Variants in SLC9A9 observed in about 807,000 individuals in gnomAD.
SLC9A9 encodes solute carrier family 9 member A9.
Under a neutral mutation model 77.8 loss-of-function variants are expected in SLC9A9, and 62 were observed. That is an observed-to-expected ratio of 0.80 (90% confidence interval 0.65 to 0.98). SLC9A9 has a LOEUF of 0.98. Ranked by LOEUF, SLC9A9 falls within the 50% of genes least tolerant of loss-of-function variation. The pLI is 0.00. For synonymous variants in SLC9A9, 320 were observed against 283.5 expected, an observed-to-expected ratio of 1.13 and a Z score of -1.29; for missense variants, 775 against 774.9, an observed-to-expected ratio of 1.00 and a Z score of 0.00.
At chr3:143,596,496 T>C (rs2037754207) in intron 6 of SLC9A9, among the ~76,000 whole-genome samples, 1 of 152,210 alleles carries the variant, frequency 6.6e-6, no homozygotes, top group South Asian at 2.1e-4. Flanking sequence ...TTGATATCAT[T>C]TTTCGGTTTC....
At chr3:143,771,253 G>A (rs552660410) in intron 4 of SLC9A9, among the ~76,000 whole-genome samples, 43 of 152,296 alleles carry the variant, frequency 2.8e-4, no homozygotes, top group African/African-American at 1.0e-3. Context: ...CATCTGCAGG[G>A]AACAGGGAGG....
rs137977111 is a variant in SLC9A9 at position 143,329,524 on chromosome 3, C to T, written c.1604+33960G>A. Among the ~76,000 whole-genome samples the T allele has an allele frequency of 9.7e-3, 1,470 of 152,312 alleles. 29 individuals are homozygous for T. Among genetic ancestry groups the T allele is most frequent in the African/African-American group, 0.034 (1,393 of 41,562 alleles). On this transcript the variant is annotated intron_variant, in intron 14 of 15. Coordinates refer to ENST00000316549, the MANE Select transcript of SLC9A9 (RefSeq NM_173653.4). ...GGGGGTGCAAATAACATTGGTGAAG[C>T]TGGGCTGCCCGACTCTGCCATCCTC...
rs140574815 is a variant in SLC9A9, at chr3:143,574,098, G to T, written c.990C>A (p.Ala330=). ...GCATGAAGCACTGACCTGTTAGGCC[G>T]GCAGCCTCGGCAGACAGGAAGGCAC... ...SWSAFLSAEA[A]GLTGIVAVLF... Residue 330 remains alanine, a synonymous_variant, in exon 8 of 16, where the codon GCC becomes GCA. Transcript: ENST00000316549. The T allele has an allele frequency of 2.6e-4, 418 of 1,612,850 alleles. No individual in the cohort carries two copies. Among genetic ancestry groups the T allele is most frequent in the Non-Finnish European group, 3.4e-4 (404 of 1,179,320 alleles).
At chr3:143,832,265 T>G in intron 1 of SLC9A9, 44 bp from the exon 2 acceptor site, 1 of 1,526,608 alleles carries the variant, frequency 6.6e-7, no homozygotes, top group East Asian at 2.3e-5. Flanking sequence ...GAAGGCAATC[T>G]AAAATGCCAC....
chr3:143,705,108 A>G (rs1933936931), intron 4 of SLC9A9, among the ~76,000 whole-genome samples: 1 of 143,262 alleles, frequency 7.0e-6, no homozygotes, highest in African/African-American at 2.6e-5. Flanking sequence ...AGGTCTATTC[A>G]GCCATAAAGA....
At chr3:143,519,869 G>T (rs1380213412) in intron 9 of SLC9A9, among the ~76,000 whole-genome samples, 1 of 152,188 alleles carries the variant, frequency 6.6e-6, no homozygotes, top group African/African-American at 2.4e-5. Context: ...TAGAAGAATA[G>T]AATTGCTCCT....
intron 5 of SLC9A9, among the ~76,000 whole-genome samples, chr3:143,656,840 C>A (rs1241856304): frequency 6.6e-6 from 1 of 152,184 alleles, no homozygotes; most frequent in Non-Finnish European, 1.5e-5. Context: ...GAATCGGTGT[C>A]AGGCCTGACA....
intron 14 of SLC9A9, among the ~76,000 whole-genome samples, chr3:143,302,801 G>A (rs1222483412): frequency 6.6e-6 from 1 of 152,202 alleles, no homozygotes; most frequent in African/African-American, 2.4e-5. Flanking sequence ...AAAGCCAGAT[G>A]GGTACAAGTG....
intron 7 of SLC9A9, among the ~76,000 whole-genome samples, chr3:143,576,578 C>T (rs530651388): frequency 6.6e-6 from 1 of 152,258 alleles, no homozygotes; most frequent in South Asian, 2.1e-4. Flanking sequence ...CTAAACAACA[C>T]CTGGCCTCCA....
At chr3:143,656,191 G>A (rs1478949029) in intron 5 of SLC9A9, among the ~76,000 whole-genome samples, 2 of 152,184 alleles carry the variant, frequency 1.3e-5, no homozygotes, top group Non-Finnish European at 2.9e-5. Flanking sequence ...CAAGTTTCAT[G>A]AAAAACTGTT....
intron 14 of SLC9A9, among the ~76,000 whole-genome samples, chr3:143,311,808 G>A (rs920735946): frequency 2.6e-5 from 4 of 152,216 alleles, no homozygotes; most frequent in African/African-American, 9.6e-5. Flanking sequence ...TTGCTCTCAT[G>A]TGTACTGAAA....
At chr3:143,565,866 T>C (rs2037159779) in intron 8 of SLC9A9, among the ~76,000 whole-genome samples, 1 of 152,116 alleles carries the variant, frequency 6.6e-6, no homozygotes, top group Admixed American at 6.6e-5. Flanking sequence ...AAGCTAAAAC[T>C]GGCCAGATTT....
intron 12 of SLC9A9, among the ~76,000 whole-genome samples, chr3:143,422,476 C>T (rs921103070): frequency 3.3e-5 from 5 of 152,134 alleles, no homozygotes; most frequent in Non-Finnish European, 5.9e-5. Flanking sequence ...AGGCCATCAT[C>T]CTTAGCGAGT....
intron 14 of SLC9A9, among the ~76,000 whole-genome samples, chr3:143,302,549 A>T (rs1414875826): frequency 2.0e-5 from 3 of 151,612 alleles, no homozygotes; most frequent in Non-Finnish European, 4.4e-5. Context: ...GGGGAGGAGG[A>T]GAGAGCCCCT....
At chr3:143,740,521 T>C (rs921976539) in intron 4 of SLC9A9, among the ~76,000 whole-genome samples, 3 of 152,214 alleles carry the variant, frequency 2.0e-5, no homozygotes, top group East Asian at 1.9e-4. Context: ...TAGTTATATG[T>C]TTCTTCTAGT....
At chr3:143,449,972 T>TA (rs1332968394) in intron 12 of SLC9A9, among the ~76,000 whole-genome samples, 13 of 33,548 alleles carry the variant, frequency 3.9e-4, no homozygotes, top group Non-Finnish European at 5.6e-4. Context: ...ATATATATAA[T>TA]ATATATTATA....
chr3:143,427,218 G>A (rs1390872001), intron 12 of SLC9A9, among the ~76,000 whole-genome samples: 2 of 152,202 alleles, frequency 1.3e-5, no homozygotes, highest in South Asian at 2.1e-4. Flanking sequence ...GGAAATGATG[G>A]CAAAACTTTT....
chr3:143,431,655 G>C (rs985871159), intron 12 of SLC9A9, among the ~76,000 whole-genome samples: 3 of 151,876 alleles, frequency 2.0e-5, no homozygotes, highest in African/African-American at 7.3e-5. Flanking sequence ...CTAATTTTTT[G>C]TATTTTTAAT....
At chr3:143,707,111 G>A (rs898369967) in intron 4 of SLC9A9, among the ~76,000 whole-genome samples, 5 of 152,106 alleles carry the variant, frequency 3.3e-5, no homozygotes, top group African/African-American at 1.2e-4. Context: ...CCAAAATTTT[G>A]TTTGCAAGGG....
Sources: allele counts gnomAD v4.1 joint callset (sites outside exome capture counted in the v4.1 genomes callset), GRCh38; gene constraint gnomAD v4.1.1; transcripts MANE v1.5; gene names NCBI Gene and HGNC (gene_info 2026-07-23, HGNC 2026-07-21).